Variants in TPST1 observed in about 807,000 individuals in gnomAD.
TPST1 encodes protein-tyrosine sulfotransferase 1.
A neutral mutation model predicts 34.8 loss-of-function variants in TPST1; 20 were observed. The observed-to-expected ratio is 0.57, with a 90% CI of 0.40 to 0.84. The LOEUF (loss-of-function observed/expected upper bound fraction) is 0.84, where lower values mean the gene tolerates loss of function less well. Ranked by LOEUF, TPST1 falls within the 40% of genes least tolerant of loss-of-function variation. TPST1 has a pLI of 0.00. For synonymous variants in TPST1, 152 were observed against 159.4 expected, an observed-to-expected ratio of 0.95 and a Z score of 0.35; for missense variants, 353 against 455.5, an observed-to-expected ratio of 0.78 and a Z score of 2.05.
At chr7:66,324,230 G>A (rs1423022430) in intron 3 of TPST1, among the ~76,000 whole-genome samples, 2 of 152,124 alleles carry the variant, frequency 1.3e-5, no homozygotes, top group African/African-American at 4.8e-5. Context: ...GTAGAATGGA[G>A]GTTATCAGGG....
chr7:66,262,098 A>G (rs4149460), intron 2 of TPST1, among the ~76,000 whole-genome samples: 2,952 of 152,174 alleles, frequency 0.019, 66 homozygotes, highest in East Asian at 0.093. Flanking sequence ...CACCTGGTCA[A>G]TGTGTCCTGC....
intron 2 of TPST1, among the ~76,000 whole-genome samples, chr7:66,267,112 A>C (rs1008617520): frequency 6.6e-6 from 1 of 152,230 alleles, no homozygotes; most frequent in Non-Finnish European, 1.5e-5. Flanking sequence ...ATCAAGTTCA[A>C]TCATCCTAAA....
At chr7:66,305,270 T>A (rs555454655) in intron 3 of TPST1, among the ~76,000 whole-genome samples, 1 of 152,336 alleles carries the variant, frequency 6.6e-6, no homozygotes, top group South Asian at 2.1e-4. Context: ...TTTCATGTGA[T>A]CATGGCAGGT....
intron 2 of TPST1, among the ~76,000 whole-genome samples, chr7:66,256,875 T>G (rs533050029): frequency 3.6e-4 from 55 of 152,318 alleles, no homozygotes; most frequent in African/African-American, 1.3e-3. Flanking sequence ...TCTCATTCTG[T>G]TACAGCATCA....
intron 3 of TPST1, among the ~76,000 whole-genome samples, chr7:66,312,099 G>A (rs552259914): frequency 1.3e-5 from 2 of 152,228 alleles, no homozygotes; most frequent in African/African-American, 4.8e-5. Context: ...AGCACAAATT[G>A]CACTTGCTCA....
upstream of TPST1, among the ~76,000 whole-genome samples, chr7:66,200,728 C>CT (rs959678242): frequency 1.3e-5 from 2 of 151,612 alleles, no homozygotes; most frequent in African/African-American, 2.4e-5. Flanking sequence ...CCGAGGTTAT[C>CT]TTTTTTTAAT....
chr7:66,256,253 TTTCTC>T (rs1320903621), intron 2 of TPST1, among the ~76,000 whole-genome samples: 1 of 152,248 alleles, frequency 6.6e-6, no homozygotes, highest in South Asian at 2.1e-4. Context: ...AGTTAAAGAA[TTTCTC>T]TTCTATTTCT....
chr7:66,218,318 G>A (rs1230826633), intron 1 of TPST1, among the ~76,000 whole-genome samples: 3 of 152,086 alleles, frequency 2.0e-5, no homozygotes, highest in Non-Finnish European at 2.9e-5. Flanking sequence ...TGGCATATAT[G>A]GTTAGTTTCT....
At position 66,286,534 on chromosome 7, in the gene TPST1, T is replaced by G. The variant is rs1355573491; in HGVS notation, c.869T>G (p.Val290Gly). Residue 290 changes from valine to glycine, a missense_variant, in exon 3 of 6, where the codon GTA becomes GGA. Transcript: ENST00000304842. Reference sequence around the variant, plus strand: ...AGAGTGGAGAGATCTACAGACCAAGTAATCAAGCCAGTCAATGTAGGAGCT... The same window carrying G: ...AGAGTGGAGAGATCTACAGACCAAGGAATCAAGCCAGTCAATGTAGGAGCT... ...LSKVERSTDQVIKPVNVGALS... is the reference protein window; with the variant it reads ...LSKVERSTDQGIKPVNVGALS... The G allele has an allele frequency of 1.9e-6, 3 of 1,599,376 alleles. No homozygotes were observed. Among genetic ancestry groups the G allele is most frequent in the Non-Finnish European group, 2.6e-6 (3 of 1,171,708 alleles).
intron 1 of TPST1, among the ~76,000 whole-genome samples, chr7:66,216,393 T>C (rs1348367552): frequency 6.6e-6 from 1 of 150,938 alleles, no homozygotes; most frequent in Non-Finnish European, 1.5e-5. Context: ...ATTTTCTCTG[T>C]TCTATTTTCT....
intron 3 of TPST1, among the ~76,000 whole-genome samples, chr7:66,323,759 G>A (rs1440879906): frequency 1.3e-5 from 2 of 152,124 alleles, no homozygotes; most frequent in African/African-American, 4.8e-5. Flanking sequence ...CCCAATTTGT[G>A]GTGAATTGAA....
At chr7:66,274,923 A>G (rs540639648) in intron 2 of TPST1, among the ~76,000 whole-genome samples, 11 of 152,286 alleles carry the variant, frequency 7.2e-5, no homozygotes, top group Admixed American at 6.5e-5. Context: ...GGCCAGGTGC[A>G]GTGGCTCACA....
At chr7:66,353,062 C>T (rs1339926007) in intron 4 of TPST1, 22 of 958,350 alleles carry the variant, frequency 2.3e-5, no homozygotes, top group Non-Finnish European at 2.6e-5. Flanking sequence ...TGCCTGTAAT[C>T]CCAGCAATTT....
intron 2 of TPST1, among the ~76,000 whole-genome samples, chr7:66,249,991 C>T (rs1367541869): frequency 6.6e-6 from 1 of 152,204 alleles, no homozygotes; most frequent in Non-Finnish European, 1.5e-5. Flanking sequence ...TTGAAGCTGG[C>T]TAGACTTTGT....
At chr7:66,352,610 G>T (rs1419854448) in intron 4 of TPST1, 55 bp downstream of exon 4, 1 of 1,582,418 alleles carries the variant, frequency 6.3e-7, no homozygotes, top group Non-Finnish European at 8.5e-7. Flanking sequence ...TTGCATTGAA[G>T]TAATATTTTT....
intron 3 of TPST1, among the ~76,000 whole-genome samples, chr7:66,302,488 T>G (rs1051109103): frequency 1.4e-4 from 22 of 152,210 alleles, no homozygotes; most frequent in Non-Finnish European, 2.5e-4. Flanking sequence ...GTATTACATG[T>G]AATTGTCAGG....
intron 3 of TPST1, among the ~76,000 whole-genome samples, chr7:66,310,608 G>T (rs1248502064): frequency 6.6e-6 from 1 of 152,050 alleles, no homozygotes; most frequent in African/African-American, 2.4e-5. Context: ...TCCTGGTTCT[G>T]GTTGCCCATG....
chr7:66,210,932 G>A (rs1270556789), intron 1 of TPST1, among the ~76,000 whole-genome samples: 1 of 151,990 alleles, frequency 6.6e-6, no homozygotes, highest in African/African-American at 2.4e-5. Flanking sequence ...TCATGCCATT[G>A]CTCTCCAGCC....
intron 3 of TPST1, among the ~76,000 whole-genome samples, chr7:66,321,086 G>A (rs1208595523): frequency 6.6e-6 from 1 of 152,208 alleles, no homozygotes; most frequent in Non-Finnish European, 1.5e-5. Context: ...GTAATCAGAA[G>A]TTATGATTAT....
Sources: gnomAD v4.1 joint callset for allele counts (sites outside exome capture counted in the v4.1 genomes callset) on GRCh38, gnomAD v4.1.1 for gene constraint, MANE v1.5 for transcripts, NCBI Gene and HGNC (gene_info 2026-07-23, HGNC 2026-07-21) for gene names.